NSRP1: variants seen among roughly 807,000 people sequenced by gnomAD.
The protein encoded by NSRP1 is coiled-coil domain containing 55.
NSRP1 carries 24 observed loss-of-function variants against 54.7 expected under a neutral mutation model. That is an observed-to-expected ratio of 0.44 (90% CI 0.32 to 0.62). NSRP1 has a LOEUF of 0.62. Among genes scored for constraint, NSRP1 ranks in the 20% least tolerant of loss-of-function variants. NSRP1 has a pLI of 0.06. For synonymous variants in NSRP1, 210 were observed against 213.8 expected (o/e 0.98, Z 0.15); for missense variants, 596 against 651.2 (o/e 0.92, Z 0.92).
At chr17:30,183,749 A>T (rs982289999) in intron 6 of NSRP1, among the ~76,000 whole-genome samples, 1 of 152,186 alleles carries the variant, frequency 6.6e-6, no homozygotes, top group Non-Finnish European at 1.5e-5. Flanking sequence ...GTTGATTCTA[A>T]TGGACAAATT....
chr17:30,123,551 C>T (rs2071623194), intron 2 of NSRP1, among the ~76,000 whole-genome samples: 1 of 152,122 alleles, frequency 6.6e-6, no homozygotes, highest in East Asian at 1.9e-4. Context: ...AAATATCCTT[C>T]GAAGCACAAA....
intron 2 of NSRP1, among the ~76,000 whole-genome samples, chr17:30,169,295 A>G (rs1258892851): frequency 4.6e-5 from 7 of 152,064 alleles, no homozygotes; most frequent in Admixed American, 4.6e-4. Flanking sequence ...AGATTGAAGC[A>G]TCCAGTTTGA....
At chr17:30,139,370 T>C (rs1468655408) in intron 2 of NSRP1, among the ~76,000 whole-genome samples, 1 of 152,194 alleles carries the variant, frequency 6.6e-6, no homozygotes, top group African/African-American at 2.4e-5. Flanking sequence ...CTGTACAAGT[T>C]TTTAATTATG....
chr17:30,118,550 TAAC>T (rs1197362504), intron 2 of NSRP1, among the ~76,000 whole-genome samples: 2 of 152,216 alleles, frequency 1.3e-5, no homozygotes, highest in African/African-American at 4.8e-5. Context: ...TAACAGTTCT[TAAC>T]AACGCTACTT....
chr17:30,144,628 T>G (rs9905030), intron 2 of NSRP1: 1 of 152,120 alleles, frequency 6.6e-6, no homozygotes, highest in Non-Finnish European at 1.5e-5. Context: ...TGTATGTGTA[T>G]GTATATGTAT....
chr17:30,122,993 C>CAGT (rs1324168623), intron 2 of NSRP1, among the ~76,000 whole-genome samples: 1 of 151,956 alleles, frequency 6.6e-6, no homozygotes, highest in Non-Finnish European at 1.5e-5. Context: ...CTATATTGGC[C>CAGT]AGGTTGGTCT....
rs146547631 is a variant in NSRP1, at chr17:30,184,865, C to T, written c.868C>T (p.Arg290Trp). ...FKHHRSQNHS[R>W]SPSEERGHST... Reference sequence around the variant, plus strand: ...GCACCACAGGAGTCAAAACCACTCTCGGTCACCTAGTGAAGAAAGAGGGCA... The same window carrying T: ...GCACCACAGGAGTCAAAACCACTCTTGGTCACCTAGTGAAGAAAGAGGGCA... Residue 290 changes from arginine to tryptophan, a missense_variant, in exon 7 of 7, where the codon CGG (arginine) becomes TGG (tryptophan). Transcript: ENST00000247026. The T allele has an allele frequency of 5.0e-5, 81 of 1,614,066 alleles. No homozygotes were observed. The East Asian group carries it at 6.7e-4, about 13-fold the overall frequency.
chr17:30,145,120 A>G (rs1019728447), intron 2 of NSRP1, among the ~76,000 whole-genome samples: 1 of 152,128 alleles, frequency 6.6e-6, no homozygotes, highest in African/African-American at 2.4e-5. Context: ...TATTTTATCT[A>G]TCCCATTCCT....
chr17:30,165,136 A>G (rs1479914355), intron 2 of NSRP1, among the ~76,000 whole-genome samples: 17 of 152,226 alleles, frequency 1.1e-4, no homozygotes, highest in Admixed American at 1.1e-3. Flanking sequence ...AACATTCATC[A>G]AACACAGAGA....
chr17:30,164,683 A>G (rs1904666032), intron 2 of NSRP1, among the ~76,000 whole-genome samples: 1 of 152,130 alleles, frequency 6.6e-6, no homozygotes, highest in African/African-American at 2.4e-5. Flanking sequence ...CTGTAGTTCC[A>G]GCTACTCCAG....
rs2071663986 is a variant in NSRP1 at position 30,127,818 on chromosome 17, A to T, written c.114+9645A>T. On this transcript the variant is annotated intron_variant, in intron 2 of 6. Coordinates refer to ENST00000247026, the MANE Select transcript of NSRP1 (RefSeq NM_032141.4). ...ATTAACTTAGTTTTACATTTTATTT[A>T]ATTTACATTACTTATTATTTTTTTT... The T allele has an allele frequency of 1.5e-5, 6 of 391,806 alleles. No individual in the cohort carries two copies. In the East Asian group the frequency reaches 2.2e-4, roughly 14 times the overall value. The allele number at this position is 391,806 out of a possible 1,614,324, so 24.3% of individuals were successfully genotyped here.
chr17:30,168,544 C>T (rs1379112966), intron 2 of NSRP1, among the ~76,000 whole-genome samples: 1 of 149,622 alleles, frequency 6.7e-6, no homozygotes, highest in Non-Finnish European at 1.5e-5. Context: ...AAAACAATCA[C>T]GTTGTGCACA....
At chr17:30,147,492 TCTCG>T (rs2071867267) in intron 2 of NSRP1, among the ~76,000 whole-genome samples, 1 of 151,402 alleles carries the variant, frequency 6.6e-6, no homozygotes, top group Non-Finnish European at 1.5e-5. Context: ...TGAGATGGAG[TCTCG>T]CTCTGTTGCC....
At chr17:30,128,947 G>A (rs1156445956) in intron 2 of NSRP1, among the ~76,000 whole-genome samples, 1 of 150,856 alleles carries the variant, frequency 6.6e-6, no homozygotes, top group African/African-American at 2.4e-5. Context: ...TGTAGAGATG[G>A]GGGTCTCGCT....
chr17:30,118,552 A>G (rs1597589652), intron 2 of NSRP1, among the ~76,000 whole-genome samples: 1 of 152,318 alleles, frequency 6.6e-6, no homozygotes. Context: ...ACAGTTCTTA[A>G]CAACGCTACT....
intron 6 of NSRP1, among the ~76,000 whole-genome samples, chr17:30,184,182 A>G (rs1444575853): frequency 3.3e-5 from 5 of 152,254 alleles, no homozygotes; most frequent in Non-Finnish European, 5.9e-5. Flanking sequence ...AGCCTGGGTA[A>G]CAGAATGTCT....
chr17:30,155,772 C>T (rs117866209), intron 2 of NSRP1, among the ~76,000 whole-genome samples: 2 of 152,016 alleles, frequency 1.3e-5, no homozygotes, highest in South Asian at 4.2e-4. Flanking sequence ...GCCTAATATT[C>T]TAACTTATTA....
At chr17:30,133,942 C>T (rs1435899836) in intron 2 of NSRP1, among the ~76,000 whole-genome samples, 2 of 152,220 alleles carry the variant, frequency 1.3e-5, no homozygotes, top group Non-Finnish European at 2.9e-5. Flanking sequence ...TGTTTGACTG[C>T]AAGAAGCCTA....
At chr17:30,118,203 G>A in intron 2 of NSRP1, 30 bp downstream of exon 2, 1 of 1,553,520 alleles carries the variant, frequency 6.4e-7, no homozygotes. Context: ...ACTCGTGCAT[G>A]GTTGGAAATG....
Sources: gnomAD v4.1 joint callset for allele counts (sites outside exome capture counted in the v4.1 genomes callset) on GRCh38, gnomAD v4.1.1 for gene constraint, MANE v1.5 for transcripts, NCBI Gene and HGNC (gene_info 2026-07-23, HGNC 2026-07-21) for gene names.